Variants in NPAS3 observed in about 807,000 individuals in gnomAD.
NPAS3 encodes neuronal PAS domain-containing protein 3.
In NPAS3, 14 loss-of-function variants were observed where a neutral mutation model predicts 73.1. The ratio of observed to expected loss-of-function variants is 0.19; its 90% confidence interval spans 0.13 to 0.30. The LOEUF is 0.30. Among genes scored for constraint, NPAS3 ranks in the 10% least tolerant of loss-of-function variants. NPAS3 has a pLI of 1.00. For missense variants in NPAS3, 1,096 were observed against 1,250.0 expected, an observed-to-expected ratio of 0.88 and a Z score of 1.86; for synonymous variants, 620 against 541.5, an observed-to-expected ratio of 1.14 and a Z score of -2.01.
Position 33,800,424 on chromosome 14 carries a change from G to T in NPAS3, c.2117G>T (p.Gly706Val), listed in dbSNP as rs201277410. The T allele has an allele frequency of 3.8e-6, 6 of 1,590,646 alleles. No individual in the cohort carries two copies. The highest frequency in any genetic ancestry group is 5.1e-6 in the Non-Finnish European group (6 of 1,172,258). ...GGCGGTGGGGGTGGCGGTGGCGGGGGGCTGCACGTGGCCATTCCCGACTCG... is the reference window on the plus strand; with the variant it reads ...GGCGGTGGGGGTGGCGGTGGCGGGGTGCTGCACGTGGCCATTCCCGACTCG... Residue 706 changes from glycine to valine, a missense_variant, in exon 12 of 12, where the codon GGG becomes GTG. Around this residue, in one of 5 missense-constraint regions of NPAS3, gnomAD observed 698 missense variants for 676.7 expected, o/e 1.03. Transcript: ENST00000356141. The surrounding 1 kb of genome is among the most constrained non-coding windows in gnomAD (Gnocchi z 6.5).
intron 4 of NPAS3, among the ~76,000 whole-genome samples, chr14:33,441,991 G>C (rs1305364215): frequency 6.6e-6 from 1 of 152,038 alleles, no homozygotes; most frequent in Non-Finnish European, 1.5e-5. Context: ...ATTTTGGTGG[G>C]GACACAGCCA....
intron 7 of NPAS3, among the ~76,000 whole-genome samples, chr14:33,762,143 C>A (rs2062313454): frequency 6.6e-6 from 1 of 152,212 alleles, no homozygotes; most frequent in Non-Finnish European, 1.5e-5. Flanking sequence ...ATTCTAATTT[C>A]TTATGTATAA....
intron 4 of NPAS3, among the ~76,000 whole-genome samples, chr14:33,503,331 T>C (rs2052605700): frequency 6.6e-6 from 1 of 151,918 alleles, no homozygotes; most frequent in South Asian, 2.1e-4. Context: ...ACTTACTAAC[T>C]CAGAGGCAAA....
At chr14:33,657,983 G>A (rs1016660157) in intron 5 of NPAS3, among the ~76,000 whole-genome samples, 5 of 152,254 alleles carry the variant, frequency 3.3e-5, no homozygotes, top group Non-Finnish European at 5.9e-5. Flanking sequence ...CTTAGGTGTC[G>A]ATTTTCTGGG....
chr14:33,691,359 T>C (rs7155316), intron 6 of NPAS3, among the ~76,000 whole-genome samples: 28,895 of 152,180 alleles, frequency 0.19, 2,904 homozygotes, highest in African/African-American at 0.25. Context: ...TGTTTTTGTT[T>C]TTGGAAAATA....
At chr14:33,557,114 C>G (rs933519625) in intron 4 of NPAS3, among the ~76,000 whole-genome samples, 1 of 152,152 alleles carries the variant, frequency 6.6e-6, no homozygotes, top group African/African-American at 2.4e-5. Context: ...AAATTAGATC[C>G]TTCCCAAACT....
chr14:33,527,445 T>C (rs935188330), intron 4 of NPAS3, among the ~76,000 whole-genome samples: 2 of 152,168 alleles, frequency 1.3e-5, no homozygotes, highest in Non-Finnish European at 2.9e-5. Flanking sequence ...TAAGATGTTA[T>C]CTCTGTTTCT....
intron 1 of NPAS3, among the ~76,000 whole-genome samples, chr14:32,958,461 T>G (rs1268988110): frequency 6.6e-6 from 1 of 152,228 alleles, no homozygotes; most frequent in Non-Finnish European, 1.5e-5. Context: ...TGGACTTCCA[T>G]GATGCCATGC....
chr14:33,647,900 A>G (rs1272124601), intron 5 of NPAS3, among the ~76,000 whole-genome samples: 1 of 152,212 alleles, frequency 6.6e-6, no homozygotes, highest in Non-Finnish European at 1.5e-5. Flanking sequence ...TGGCAGGCCC[A>G]TTGTATAGAA....
At position 33,587,096 on chromosome 14, in the gene NPAS3, A is replaced by G. The variant is rs146854108; in HGVS notation, c.558+26886A>G. The stretch of plus-strand genomic sequence containing the variant: ...CTTTTGCCTTACTTTCCCCATCTGT[A>G]TTTCCCCTACATATAGTAATTCATA... On this transcript the variant is annotated intron_variant, in intron 5 of 11. Coordinates refer to ENST00000356141, the Ensembl canonical transcript of NPAS3. Among the ~76,000 whole-genome samples, 67 of 152,182 alleles carry G rather than the reference A, an allele frequency of 4.4e-4. 1 individual carries two copies. The East Asian group carries it at 8.7e-3, about 20-fold the overall frequency.
intron 7 of NPAS3, 136 bp downstream of exon 7, chr14:33,735,468 T>C (rs2061499842): frequency 5.9e-6 from 4 of 679,440 alleles, no homozygotes; most frequent in African/African-American, 5.3e-5. Flanking sequence ...CCCAGTCATC[T>C]TCCTGTCTCA....
chr14:33,347,825 C>T (rs182954366), intron 3 of NPAS3, among the ~76,000 whole-genome samples: 7 of 151,936 alleles, frequency 4.6e-5, no homozygotes, highest in Admixed American at 2.6e-4. Context: ...GCTCAGGGAA[C>T]GATGACAAGG....
chr14:33,141,535 C>A (rs927867733), intron 2 of NPAS3, among the ~76,000 whole-genome samples: 6 of 152,116 alleles, frequency 3.9e-5, no homozygotes, highest in African/African-American at 1.4e-4. Context: ...GGAGCTATTT[C>A]TATACAGTTT....
chr14:33,143,952 A>G (rs986390176), intron 2 of NPAS3, among the ~76,000 whole-genome samples: 1 of 152,108 alleles, frequency 6.6e-6, no homozygotes, highest in Non-Finnish European at 1.5e-5. Context: ...ATATAACTTT[A>G]TTATCTGTTG....
intron 1 of NPAS3, among the ~76,000 whole-genome samples, chr14:32,957,372 ATTT>A (rs199933003): frequency 1.5e-5 from 2 of 131,920 alleles, no homozygotes. Flanking sequence ...ATTCATTTTC[ATTT>A]TTTTTTTTTT....
In NPAS3 at chr14:33,176,290, T is replaced by A. The variant is rs142919246; in HGVS notation, c.141-38892T>A. ...AGTGGCAATAACTACATTCACAGTG[T>A]TGTGCAGCCATCACCACTATTTTCA... On this transcript the variant is annotated intron_variant, in intron 2 of 11. Coordinates refer to ENST00000356141, the Ensembl canonical transcript of NPAS3. Among the ~76,000 whole-genome samples the A allele has an allele frequency of 7.2e-3, 1,098 of 152,332 alleles. 7 individuals are homozygous for A. Among genetic ancestry groups the A allele is most frequent in the Non-Finnish European group, 0.012 (802 of 68,024 alleles).
At position 33,633,439 on chromosome 14, in the gene NPAS3, A is replaced by T. The variant is rs2058433408; in HGVS notation, c.559-42772A>T. ...GGGAATATGTTCTGAGAAATGCATCATTAGGCAATTCTGTCATTATGGGAA... is the reference window on the plus strand; with the variant it reads ...GGGAATATGTTCTGAGAAATGCATCTTTAGGCAATTCTGTCATTATGGGAA... On this transcript the variant is annotated intron_variant, in intron 5 of 11. Transcript: ENST00000356141. Among the ~76,000 whole-genome samples, 7 of 152,192 alleles carry T rather than the reference A, an allele frequency of 4.6e-5. No individual in the cohort carries two copies. In the South Asian group the frequency reaches 1.2e-3, roughly 27 times the overall value.
chr14:33,744,057 A>G (rs547809132), intron 7 of NPAS3, among the ~76,000 whole-genome samples: 70 of 152,274 alleles, frequency 4.6e-4, no homozygotes, highest in Admixed American at 4.0e-3. Flanking sequence ...CTTTCTTATC[A>G]TTTGTTTGTT....
At chr14:33,640,854 T>C (rs2058657290) in intron 5 of NPAS3, among the ~76,000 whole-genome samples, 1 of 152,354 alleles carries the variant, frequency 6.6e-6, no homozygotes, top group Non-Finnish European at 1.5e-5. Flanking sequence ...TGTAAAATAG[T>C]ATTTGTTTAC....
Sources: gnomAD v4.1 joint callset for allele counts (sites outside exome capture counted in the v4.1 genomes callset) on GRCh38, gnomAD v4.1.1 for gene constraint, gnomAD v4.1.1 regional missense constraint, Gnocchi (gnomAD v3.1) non-coding constraint, MANE v1.5 for transcripts, NCBI Gene and HGNC (gene_info 2026-07-23, HGNC 2026-07-21) for gene names.